Variants in BTRC observed in about 807,000 individuals in gnomAD.
The protein encoded by BTRC is beta-transducin repeat containing E3 ubiquitin protein ligase.
A neutral mutation model predicts 85.5 loss-of-function variants in BTRC; 42 were observed. The observed-to-expected ratio is 0.49, with a 90% CI of 0.38 to 0.64. The LOEUF (loss-of-function observed/expected upper bound fraction) is 0.64, where lower values mean the gene tolerates loss of function less well. Ranked by LOEUF, BTRC falls within the 30% of genes least tolerant of loss-of-function variation. The probability of loss-of-function intolerance (pLI) is 0.00; values close to 1 mark genes in which losing one functional copy is unlikely to be tolerated. For missense variants in BTRC, 594 were observed against 743.5 expected (o/e 0.80, Z 2.34); for synonymous variants, 255 against 263.3 (o/e 0.97, Z 0.30).
chr10:101,461,947 T>C (rs1945237152), intron 2 of BTRC, 34 bp from the exon 3 acceptor site: 1 of 1,478,624 alleles, frequency 6.8e-7, no homozygotes, highest in Non-Finnish European at 9.4e-7. Context: ...TTGAAGATAA[T>C]GAGAACTGAA....
intron 4 of BTRC, among the ~76,000 whole-genome samples, chr10:101,495,113 T>C (rs1946227327): frequency 1.3e-5 from 2 of 152,200 alleles, no homozygotes; most frequent in South Asian, 4.1e-4. Context: ...AGGGTTCTCC[T>C]AATACTGACC....
intron 1 of BTRC, among the ~76,000 whole-genome samples, chr10:101,380,529 G>A (rs1424248582): frequency 6.6e-6 from 1 of 152,044 alleles, no homozygotes; most frequent in Non-Finnish European, 1.5e-5. Context: ...TGGGGCGGCT[G>A]GGCAGAGGCA....
chr10:101,480,281 A>G (rs1410504042), intron 4 of BTRC, among the ~76,000 whole-genome samples: 1 of 152,172 alleles, frequency 6.6e-6, no homozygotes, highest in Non-Finnish European at 1.5e-5. Context: ...TACTGTTATT[A>G]TTAGAGCTTA....
At chr10:101,372,998 G>T (rs1334874402) in intron 1 of BTRC, among the ~76,000 whole-genome samples, 3 of 152,168 alleles carry the variant, frequency 2.0e-5, no homozygotes, top group Non-Finnish European at 2.9e-5. Flanking sequence ...CCACAAAAAT[G>T]ATGTGTCTTT....
intron 1 of BTRC, among the ~76,000 whole-genome samples, chr10:101,371,714 G>C (rs1000139338): frequency 2.0e-5 from 3 of 152,102 alleles, no homozygotes; most frequent in African/African-American, 7.2e-5. Context: ...GCTGCTATTT[G>C]TATATGTTAC....
intron 4 of BTRC, among the ~76,000 whole-genome samples, chr10:101,491,902 A>T (rs1188895804): frequency 6.6e-6 from 1 of 152,132 alleles, no homozygotes; most frequent in Admixed American, 6.5e-5. Flanking sequence ...GGTTTTTTTT[A>T]AAGCAAATGA....
rs1161295744 is a variant in BTRC, at chr10:101,531,352, TG to T, written c.840+23del. The T allele has an allele frequency of 6.5e-7, 1 of 1,545,010 alleles. No individual in the cohort carries two copies. The highest frequency in any genetic ancestry group is 8.9e-7 in the Non-Finnish European group (1 of 1,120,764). On this transcript the variant is annotated intron_variant, in intron 7 of 14. Transcript: ENST00000370187. The stretch of plus-strand genomic sequence containing the variant: ...CATTGAGGTAAGAATCTATGTATTT[TG>T]GGGTATTGCCCAAGGGCACAGAATT...
chr10:101,443,760 A>G (rs958130485), intron 2 of BTRC, among the ~76,000 whole-genome samples: 10 of 152,310 alleles, frequency 6.6e-5, no homozygotes, highest in Admixed American at 1.3e-4. Context: ...TACTTTTTAT[A>G]TTGTCCTTAG....
chr10:101,529,118 T>C (rs1477419713), intron 6 of BTRC, among the ~76,000 whole-genome samples: 1 of 152,264 alleles, frequency 6.6e-6, no homozygotes, highest in African/African-American at 2.4e-5. Flanking sequence ...ACGTTTATCA[T>C]GTACTCACAT....
rs2062418624 is a variant in BTRC, at chr10:101,538,392, A to G, written c.1656+21A>G. 5 of 1,571,266 alleles carry G rather than the reference A, an allele frequency of 3.2e-6. No homozygotes were observed. The South Asian group carries it at 3.3e-5, about 10-fold the overall frequency. On this transcript the variant is annotated intron_variant, in intron 13 of 14. Coordinates refer to ENST00000370187, the MANE Select transcript of BTRC (RefSeq NM_033637.4). ...TTGTGGTAAGAGCCTTGCTGTTTAGAGAGCATTGGAGAGCAGGTGGGGGAA... is the reference window on the plus strand; with the variant it reads ...TTGTGGTAAGAGCCTTGCTGTTTAGGGAGCATTGGAGAGCAGGTGGGGGAA...
intron 1 of BTRC, among the ~76,000 whole-genome samples, chr10:101,381,511 A>G (rs1221800053): frequency 6.6e-6 from 1 of 152,246 alleles, no homozygotes; most frequent in Non-Finnish European, 1.5e-5. Context: ...ACAGTGTACC[A>G]TAAATAGAAG....
chr10:101,489,630 G>A (rs146193474), intron 4 of BTRC, among the ~76,000 whole-genome samples: 9 of 152,170 alleles, frequency 5.9e-5, no homozygotes, highest in African/African-American at 1.4e-4. Context: ...TTATTCTTGC[G>A]TCATGACTTC....
At position 101,427,262 on chromosome 10, in the gene BTRC, C is replaced by T. The variant is rs183829672; in HGVS notation, c.49-3083C>T. Among the ~76,000 whole-genome samples, 379 of 151,558 alleles carry T rather than the reference C, an allele frequency of 2.5e-3. 3 individuals carry two copies. The highest frequency in any genetic ancestry group is 8.5e-3 in the African/African-American group (351 of 41,342). The stretch of plus-strand genomic sequence containing the variant: ...CCTCCTGAGTAGCTGGGACTATAGG[C>T]GTGCACCACCATACCCAGCTTATTT... On this transcript the variant is annotated intron_variant, in intron 1 of 14. Coordinates refer to ENST00000370187, the MANE Select transcript of BTRC (RefSeq NM_033637.4).
intron 7 of BTRC, 56 bp from the exon 8 acceptor site, chr10:101,532,239 A>G (rs2062294877): frequency 6.5e-7 from 1 of 1,543,194 alleles, no homozygotes; most frequent in Non-Finnish European, 8.7e-7. Context: ...AAGCCTAAAA[A>G]GAGTTTGATT....
chr10:101,437,754 T>C (rs572185289), intron 2 of BTRC, among the ~76,000 whole-genome samples: 1 of 152,286 alleles, frequency 6.6e-6, no homozygotes, highest in African/African-American at 2.4e-5. Flanking sequence ...TCTCATGTAA[T>C]TGTTAGTCAT....
At chr10:101,368,934 G>T (rs757015450) in intron 1 of BTRC, among the ~76,000 whole-genome samples, 1 of 152,074 alleles carries the variant, frequency 6.6e-6, no homozygotes, top group African/African-American at 2.4e-5. Context: ...CACGAGAATC[G>T]CTTGAACCTG....
At chr10:101,468,793 A>G (rs1480564238) in intron 3 of BTRC, among the ~76,000 whole-genome samples, 1 of 152,230 alleles carries the variant, frequency 6.6e-6, no homozygotes, top group Non-Finnish European at 1.5e-5. Flanking sequence ...AATTTTAAAT[A>G]TATACCTTCT....
chr10:101,517,394 T>C (rs1447212059), intron 4 of BTRC, among the ~76,000 whole-genome samples: 1 of 152,158 alleles, frequency 6.6e-6, no homozygotes, highest in African/African-American at 2.4e-5. Context: ...CACTGCACTC[T>C]AGCCTGAGTG....
intron 4 of BTRC, among the ~76,000 whole-genome samples, chr10:101,502,650 T>G (rs538867408): frequency 6.6e-6 from 1 of 152,266 alleles, no homozygotes; most frequent in East Asian, 1.9e-4. Context: ...TCCTTCTTGG[T>G]GAGAGAAGGG....
Sources: allele counts gnomAD v4.1 joint callset (sites outside exome capture counted in the v4.1 genomes callset), GRCh38; gene constraint gnomAD v4.1.1; transcripts MANE v1.5; gene names NCBI Gene and HGNC (gene_info 2026-07-23, HGNC 2026-07-21).